KREMEN1: variants seen among roughly 807,000 people sequenced by gnomAD.
KREMEN1 encodes the protein kringle containing transmembrane protein 1.
A neutral mutation model predicts 46.5 loss-of-function variants in KREMEN1; 30 were observed. The observed-to-expected ratio is 0.65, with a 90% CI of 0.48 to 0.88. The LOEUF is 0.88. Among genes scored for constraint, KREMEN1 ranks in the 40% least tolerant of loss-of-function variants. The pLI is 0.00. For missense variants in KREMEN1, 533 were observed against 596.9 expected (o/e 0.89, Z 1.11); for synonymous variants, 214 against 230.6 (o/e 0.93, Z 0.65).
intron 1 of KREMEN1, among the ~76,000 whole-genome samples, chr22:29,076,394 T>C (rs1267024455): frequency 6.6e-6 from 1 of 152,200 alleles, no homozygotes; most frequent in African/African-American, 2.4e-5. Context: ...TTAATGCTAA[T>C]AGAATTACCT....
intron 5 of KREMEN1, among the ~76,000 whole-genome samples, chr22:29,134,611 T>G (rs1040825387): frequency 6.6e-5 from 10 of 152,204 alleles, no homozygotes; most frequent in Non-Finnish European, 2.9e-5. Flanking sequence ...TTTTATTGAA[T>G]GCCATATGCT....
Position 29,073,394 on chromosome 22 carries a change from C to T in KREMEN1, c.97+167C>T, listed in dbSNP as rs1350931016. On this transcript the variant is annotated intron_variant, in intron 1 of 8. Coordinates refer to ENST00000400335, the MANE Select transcript of KREMEN1 (RefSeq NM_001039570.3). The surrounding 1 kb of genome is among the most constrained non-coding windows in gnomAD (Gnocchi z 4.4). ...AGGCCGGGATGGTCCCTTCCTGGGA[C>T]CCGGGCTACCCCCAGGCCCGTCATC... Among the ~76,000 whole-genome samples the T allele has an allele frequency of 1.3e-5, 2 of 151,730 alleles. No homozygotes were observed. Among genetic ancestry groups the T allele is most frequent in the African/African-American group, 2.4e-5 (1 of 41,336 alleles).
intron 1 of KREMEN1, among the ~76,000 whole-genome samples, chr22:29,092,875 C>T (rs1425698633): frequency 3.3e-5 from 5 of 151,808 alleles, no homozygotes; most frequent in South Asian, 2.1e-4. Flanking sequence ...CTAGGGAGGC[C>T]GAGGCAGGAG....
At chr22:29,165,898 G>T (rs562161296) in intron 9 of KREMEN1, among the ~76,000 whole-genome samples, 1 of 152,196 alleles carries the variant, frequency 6.6e-6, no homozygotes, top group Admixed American at 6.5e-5. Context: ...GAGGGCGCCC[G>T]TTAGCAGCGG....
chr22:29,117,113 G>A (rs1288860145), intron 3 of KREMEN1, among the ~76,000 whole-genome samples: 2 of 152,104 alleles, frequency 1.3e-5, no homozygotes, highest in Non-Finnish European at 2.9e-5. Flanking sequence ...AAAATGAGCT[G>A]GTTAGATGGT....
At chr22:29,079,384 G>A (rs2037620633) in intron 1 of KREMEN1, among the ~76,000 whole-genome samples, 1 of 152,186 alleles carries the variant, frequency 6.6e-6, no homozygotes, top group African/African-American at 2.4e-5. Context: ...ATACAACAGG[G>A]CCCTCTCAGA....
At chr22:29,128,055 A>C (rs979290128) in intron 5 of KREMEN1, among the ~76,000 whole-genome samples, 7 of 152,214 alleles carry the variant, frequency 4.6e-5, no homozygotes, top group Non-Finnish European at 7.3e-5. Context: ...TGGAAGCCAG[A>C]TTCCGGGTTG....
downstream of KREMEN1, chr22:29,146,915 G>C: frequency 2.2e-6 from 1 of 457,242 alleles, no homozygotes; most frequent in Non-Finnish European, 2.9e-6. Context: ...CTCCCCTTGG[G>C]TGCCAGTCCT....
intron 1 of KREMEN1, among the ~76,000 whole-genome samples, chr22:29,084,967 A>G (rs1165540262): frequency 6.6e-6 from 1 of 152,208 alleles, no homozygotes; most frequent in Non-Finnish European, 1.5e-5. Flanking sequence ...TAAAAAAGCT[A>G]CTAGTACATA....
chr22:29,149,263 A>G (rs1425789281), downstream of KREMEN1, among the ~76,000 whole-genome samples: 1 of 151,766 alleles, frequency 6.6e-6, no homozygotes. Context: ...CCTGGGTTCA[A>G]GCGATTCTCC....
At chr22:29,109,158 TTTAATTTTCCATTAA>T (rs1315884430) in intron 3 of KREMEN1, among the ~76,000 whole-genome samples, 1 of 152,202 alleles carries the variant, frequency 6.6e-6, no homozygotes, top group Non-Finnish European at 1.5e-5. Flanking sequence ...GTGGGTATTA[TTTAATTTTCCATTAA>T]AAAAATACAG....
intron 1 of KREMEN1, among the ~76,000 whole-genome samples, chr22:29,087,171 T>C (rs1414815247): frequency 1.3e-5 from 2 of 152,232 alleles, no homozygotes; most frequent in Non-Finnish European, 1.5e-5. Flanking sequence ...GAATATGTTC[T>C]CTGCTGTCTT....
At chr22:29,097,652 C>T (rs1485715591) in intron 2 of KREMEN1, among the ~76,000 whole-genome samples, 2 of 151,822 alleles carry the variant, frequency 1.3e-5, no homozygotes, top group South Asian at 4.2e-4. Flanking sequence ...TTACGCCTGG[C>T]CCAGTGGAGT....
Position 29,143,845 on chromosome 22 carries a change from C to T in KREMEN1, c.*1733C>T. ...CAGTGGGGAAGGAGAGCACTCTTGT[C>T]CCCAGTCCCTTGCCACCCTGTCCCT... On this transcript the variant is annotated 3_prime_UTR_variant, in exon 9 of 9. Transcript: ENST00000400335. The T allele has an allele frequency of 1.0e-6, 1 of 985,356 alleles. No homozygotes were observed. The highest frequency in any genetic ancestry group is 1.2e-6 in the Non-Finnish European group (1 of 830,010). The allele number at this position is 985,356 out of a possible 1,614,324, so 61.0% of individuals were successfully genotyped here.
chr22:29,152,534 G>A, intron 9 of KREMEN1, among the ~76,000 whole-genome samples: 1 of 152,100 alleles, frequency 6.6e-6, no homozygotes, highest in East Asian at 1.9e-4. Flanking sequence ...GACGGGCGAG[G>A]CCTGCCCTTC....
chr22:29,111,808 T>C (rs1380879866), intron 3 of KREMEN1: 4 of 152,148 alleles, frequency 2.6e-5, no homozygotes, highest in Non-Finnish European at 4.4e-5. Context: ...AGCAGTGGAA[T>C]AGAAAACATA....
Position 29,143,606 on chromosome 22 carries a change from G to C in KREMEN1, c.*1494G>C. On this transcript the variant is annotated 3_prime_UTR_variant, in exon 9 of 9. Transcript: ENST00000400335. ...AAATACAAAAAATTAGCTGGGTGTG[G>C]TGGTGGGCGCCTGTAGTCCCAGCTG... 3 of 631,928 alleles carry C rather than the reference G, an allele frequency of 4.7e-6. No homozygotes were observed. Among genetic ancestry groups the C allele is most frequent in the Non-Finnish European group, 5.9e-6 (3 of 507,108 alleles). The allele number at this position is 631,928 out of a possible 1,614,324, so 39.1% of individuals were successfully genotyped here. A position where few individuals can be genotyped will look rare whatever the true frequency, so the allele number is the denominator to read the frequency against.
intron 1 of KREMEN1, among the ~76,000 whole-genome samples, chr22:29,082,249 G>A (rs943948337): frequency 2.0e-5 from 3 of 151,810 alleles, no homozygotes; most frequent in Non-Finnish European, 2.9e-5. Context: ...ATGGAGTCTC[G>A]CTCTGTTGCC....
intron 7 of KREMEN1, 34 bp from the exon 8 acceptor site, chr22:29,140,248 C>A (rs1421162851): frequency 7.0e-6 from 11 of 1,575,166 alleles, no homozygotes; most frequent in Non-Finnish European, 9.6e-6. Flanking sequence ...CAACCATAAA[C>A]AAGTCTGGTA....
Sources: gnomAD v4.1 joint callset for allele counts (sites outside exome capture counted in the v4.1 genomes callset) on GRCh38, gnomAD v4.1.1 for gene constraint, Gnocchi (gnomAD v3.1) non-coding constraint, MANE v1.5 for transcripts, NCBI Gene and HGNC (gene_info 2026-07-23, HGNC 2026-07-21) for gene names.